RBFA: variants seen among roughly 807,000 people sequenced by gnomAD.
RBFA encodes the protein ribosome binding factor A.
In RBFA, 16 loss-of-function variants were observed where a neutral mutation model predicts 27.9. The observed-to-expected ratio is 0.57, with a 90% CI of 0.39 to 0.87. The LOEUF (loss-of-function observed/expected upper bound fraction) is 0.87, where lower values mean the gene tolerates loss of function less well. RBFA is among the 40% of genes least tolerant of loss of function. The probability of loss-of-function intolerance (pLI) is 0.00; values close to 1 mark genes in which losing one functional copy is unlikely to be tolerated. For synonymous variants in RBFA, 181 were observed against 181.0 expected, an observed-to-expected ratio of 1.00 and a Z score of 0.00; for missense variants, 456 against 432.1, an observed-to-expected ratio of 1.06 and a Z score of -0.49.
intron 5 of RBFA, among the ~76,000 whole-genome samples, chr18:80,042,650 A>T (rs188412222): frequency 1.3e-5 from 2 of 152,164 alleles, no homozygotes; most frequent in East Asian, 3.9e-4. Context: ...GTGCGCCCGT[A>T]GTCTCAGCTG....
intron 6 of RBFA, 133 bp from the exon 7 acceptor site, chr18:80,045,641 C>G: frequency 9.3e-7 from 1 of 1,073,918 alleles, no homozygotes; most frequent in African/African-American, 1.6e-5. Flanking sequence ...TCCAGTTACC[C>G]TCAGATAGAC....
rs984082494 is a variant in RBFA, at chr18:80,048,128, G to A, written c.*1973G>A. The A allele has an allele frequency of 6.6e-6, 1 of 152,180 alleles. No homozygotes were observed. The highest frequency in any genetic ancestry group is 2.4e-5 in the African/African-American group (1 of 41,438). The allele number at this position is 152,180 out of a possible 1,614,324, so 9.4% of individuals were successfully genotyped here. A position where few individuals can be genotyped will look rare whatever the true frequency, so the allele number is the denominator to read the frequency against. Reference sequence around the variant, plus strand: ...TATTTCCCTAGCAAGATAACTTCAGGTTACAAGGCTCTGGTACTTGACCAT... The same window carrying A: ...TATTTCCCTAGCAAGATAACTTCAGATTACAAGGCTCTGGTACTTGACCAT... On this transcript the variant is annotated 3_prime_UTR_variant, in exon 7 of 7. Transcript: ENST00000306735.
At chr18:80,045,727 T>C (rs2052047138) in intron 6 of RBFA, 47 bp from the exon 7 acceptor site, 1 of 1,495,380 alleles carries the variant, frequency 6.7e-7, no homozygotes, top group South Asian at 1.4e-5. Flanking sequence ...CACTGTGGAC[T>C]AGGGGCATGG....
Position 80,045,862 on chromosome 18 carries a change from C to A in RBFA, c.739C>A (p.Gln247Lys). 6.3e-7 allele frequency: 1 copy of A among 1,590,766 alleles called. No homozygotes were observed. Among genetic ancestry groups the A allele is most frequent in the South Asian group, 1.1e-5 (1 of 87,484 alleles). Reference protein sequence around the residue: ...CGIDHEALNKQIMEYKRRKDK... With the variant: ...CGIDHEALNKKIMEYKRRKDK... ...GATCGATCATGAGGCGCTCAACAAG[C>A]AGATTATGGAGTACAAAAGGAGGAA... Residue 247 changes from glutamine to lysine, a missense_variant, in exon 7 of 7, where the codon CAG becomes AAG. Coordinates refer to ENST00000306735, the MANE Select transcript of RBFA (RefSeq NM_024805.3).
Position 80,045,873 on chromosome 18 carries a change from G to A in RBFA, c.750G>A (p.Glu250=). Residue 250 remains glutamate, a synonymous_variant, in exon 7 of 7, where the codon GAG becomes GAA. Transcript: ENST00000306735. ...AGGCGCTCAACAAGCAGATTATGGA[G>A]TACAAAAGGAGGAAAGATAAAGGGC... ...DHEALNKQIM[E]YKRRKDKGLG... 6.2e-7 allele frequency: 1 copy of A among 1,605,938 alleles called. No homozygotes were observed. Among genetic ancestry groups the A allele is most frequent in the Non-Finnish European group, 8.5e-7 (1 of 1,176,138 alleles).
At chr18:80,043,020 C>T (rs1055488576) in intron 5 of RBFA, among the ~76,000 whole-genome samples, 1 of 152,190 alleles carries the variant, frequency 6.6e-6, no homozygotes, top group South Asian at 2.1e-4. Context: ...GATCAGTCCA[C>T]TTTCGTTTCA....
chr18:80,042,343 G>C (rs1346457554), intron 5 of RBFA, 124 bp downstream of exon 5: 1 of 489,940 alleles, frequency 2.0e-6, no homozygotes. Context: ...TTCTGTCTCA[G>C]CCTCCCAAAG....
intron 2 of RBFA, 115 bp downstream of exon 2, chr18:80,036,825 G>A: frequency 1.5e-6 from 1 of 677,096 alleles, no homozygotes; most frequent in Non-Finnish European, 2.5e-6. Flanking sequence ...TAGTGTCTAT[G>A]TGGATGCGAC....
At chr18:80,042,085 C>A in intron 4 of RBFA, 50 bp from the exon 5 acceptor site, 1 of 1,395,352 alleles carries the variant, frequency 7.2e-7, no homozygotes, top group Non-Finnish European at 1.0e-6. Context: ...CACGCCTCTC[C>A]ACTGAGTGTC....
At chr18:80,043,319 C>T (rs908322466) in intron 5 of RBFA, among the ~76,000 whole-genome samples, 4 of 152,264 alleles carry the variant, frequency 2.6e-5, no homozygotes, top group Admixed American at 2.6e-4. Flanking sequence ...TTTTGGTTTT[C>T]GTTAATCAGT....
chr18:80,046,166 T>C lies in RBFA; in HGVS notation c.*11T>C, dbSNP rs778733574. 1 of 1,610,082 alleles carries C rather than the reference T, an allele frequency of 6.2e-7. No individual in the cohort carries two copies. The highest frequency in any genetic ancestry group is 1.1e-5 in the South Asian group (1 of 90,754). On this transcript the variant is annotated 3_prime_UTR_variant, in exon 7 of 7. Transcript: ENST00000306735. ...GCAAGCAGGGAGTAGATGGAGAGGC[T>C]CTGCCCATCCCACATTTGCAGGGAA...
rs1457440254 is a variant in RBFA at position 80,046,287 on chromosome 18, C to T, written c.*132C>T. 1.9e-6 allele frequency: 2 copies of T among 1,052,966 alleles called. No individual in the cohort carries two copies. The highest frequency in any genetic ancestry group is 2.7e-6 in the Non-Finnish European group (2 of 737,736). The allele number at this position is 1,052,966 out of a possible 1,614,324, so 65.2% of individuals were successfully genotyped here. A position where few individuals can be genotyped will look rare whatever the true frequency, so the allele number is the denominator to read the frequency against. On this transcript the variant is annotated 3_prime_UTR_variant, in exon 7 of 7. Coordinates refer to ENST00000306735, the MANE Select transcript of RBFA (RefSeq NM_024805.3). The stretch of plus-strand genomic sequence containing the variant: ...GCTACTTCAACATTTTCTAGCTTTT[C>T]CGTGTATCTAAACACAATTTGCTAC...
intron 3 of RBFA, 126 bp from the exon 4 acceptor site, chr18:80,038,379 C>A: frequency 1.5e-6 from 1 of 656,734 alleles, no homozygotes; most frequent in Non-Finnish European, 2.6e-6. Flanking sequence ...TGGCCTCCAG[C>A]AGCATGCCAG....
chr18:80,039,109 G>T lies in RBFA; in HGVS notation c.491+492G>T, dbSNP rs551949869. On this transcript the variant is annotated intron_variant, in intron 4 of 6. Coordinates refer to ENST00000306735, the MANE Select transcript of RBFA (RefSeq NM_024805.3). ...GCGGGAGGATCACTTGAGGCCAGGA[G>T]TTCAGGACCAGTCTGGGCAAGATGG... Among the ~76,000 whole-genome samples, 261 of 152,374 alleles carry T rather than the reference G, an allele frequency of 1.7e-3. 2 individuals are homozygous for T. The highest frequency in any genetic ancestry group is 5.8e-3 in the African/African-American group (240 of 41,590).
chr18:80,048,607 C>T lies in RBFA; in HGVS notation c.*2452C>T, dbSNP rs995112588. On this transcript the variant is annotated 3_prime_UTR_variant, in exon 7 of 7. Coordinates refer to ENST00000306735, the MANE Select transcript of RBFA (RefSeq NM_024805.3). ...AGAGGGAATGGAAGGTAGAGTTAGG[C>T]CCAGAGAGCCCCAGGCTGCTGCCCA... is the stretch of plus-strand genomic sequence containing the variant. Among the ~76,000 whole-genome samples, 1 of 152,316 alleles carries T rather than the reference C, an allele frequency of 6.6e-6. No individual in the cohort carries two copies. The highest frequency in any genetic ancestry group is 1.5e-5 in the Non-Finnish European group (1 of 68,024).
At chr18:80,042,621 A>G (rs1296893282) in intron 5 of RBFA, among the ~76,000 whole-genome samples, 1 of 152,040 alleles carries the variant, frequency 6.6e-6, no homozygotes, top group African/African-American at 2.4e-5. Context: ...ATACAAAAAA[A>G]TTAGCTAGGT....
chr18:80,043,927 G>A (rs1272422491), intron 5 of RBFA, among the ~76,000 whole-genome samples: 1 of 152,194 alleles, frequency 6.6e-6, no homozygotes, highest in Non-Finnish European at 1.5e-5. Flanking sequence ...TTCAACTAAC[G>A]CTTAACTGGT....
chr18:80,050,159 T>C lies in RBFA; in HGVS notation c.*4004T>C, dbSNP rs971993766. Among the ~76,000 whole-genome samples the C allele has an allele frequency of 3.3e-5, 5 of 151,996 alleles. No individual in the cohort carries two copies. The highest frequency in any genetic ancestry group is 7.4e-5 in the Non-Finnish European group (5 of 68,002). The stretch of plus-strand genomic sequence containing the variant: ...GAAGGAGAGAGGGCTTGAGTGTATT[T>C]TGGGGGAAGAATGAGGGGACAACAG... On this transcript the variant is annotated 3_prime_UTR_variant, in exon 7 of 7. Coordinates refer to ENST00000306735, the MANE Select transcript of RBFA (RefSeq NM_024805.3).
At chr18:80,037,117 CTGGCAGTACTTTTAA>C (rs1474230299) in intron 2 of RBFA, 198 bp from the exon 3 acceptor site, 1 of 484,946 alleles carries the variant, frequency 2.1e-6, no homozygotes, top group Non-Finnish European at 3.6e-6. Context: ...AAAATATTTA[CTGGCAGTACTTTTAA>C]TCTTGGAGGG....
Sources: gnomAD v4.1 joint callset for allele counts (sites outside exome capture counted in the v4.1 genomes callset) on GRCh38, gnomAD v4.1.1 for gene constraint, MANE v1.5 for transcripts, NCBI Gene and HGNC (gene_info 2026-07-23, HGNC 2026-07-21) for gene names.